The following RPS6KB1 variants were observed in gnomAD, a reference collection of about 807,000 sequenced individuals.
RPS6KB1 encodes the protein ribosomal protein S6 kinase B1, also known as ribosomal protein S6 kinase beta-1.
RPS6KB1 carries 12 observed loss-of-function variants against 70.2 expected under a neutral mutation model. The ratio of observed to expected loss-of-function variants is 0.17; its 90% confidence interval spans 0.11 to 0.28. The LOEUF (loss-of-function observed/expected upper bound fraction) is 0.28, where lower values mean the gene tolerates loss of function less well. Ranked by LOEUF, RPS6KB1 falls within the 10% of genes least tolerant of loss-of-function variation. The probability of loss-of-function intolerance (pLI) is 1.00; values close to 1 mark genes in which losing one functional copy is unlikely to be tolerated. For missense variants in RPS6KB1, 270 were observed against 646.6 expected, an observed-to-expected ratio of 0.42 and a Z score of 6.32; for synonymous variants, 175 against 211.2, an observed-to-expected ratio of 0.83 and a Z score of 1.49.
At chr17:59,942,762 T>G (rs1449359431) in intron 13 of RPS6KB1, among the ~76,000 whole-genome samples, 1 of 151,840 alleles carries the variant, frequency 6.6e-6, no homozygotes, top group African/African-American at 2.4e-5. Flanking sequence ...GGCTATAACC[T>G]TGAGGTCAGG....
At chr17:59,936,122 C>T in intron 10 of RPS6KB1, 93 bp from the exon 11 acceptor site, 2 of 1,188,190 alleles carry the variant, frequency 1.7e-6, no homozygotes, top group South Asian at 2.7e-5. Context: ...ACTATATTTT[C>T]TCAAGCCAAA....
chr17:59,915,601 G>A lies in RPS6KB1; in HGVS notation c.381+898G>A, dbSNP rs1598723155. Among the ~76,000 whole-genome samples, 10 of 151,196 alleles carry A rather than the reference G, an allele frequency of 6.6e-5. No homozygotes were observed. The South Asian group carries it at 2.1e-3, about 32-fold the overall frequency. ...CTGCCCTAGCCTCCCTAATAGCTGG[G>A]ATTACAGGCGCCTACCACCACGCCT... On this transcript the variant is annotated intron_variant, in intron 4 of 14. Transcript: ENST00000225577.
chr17:59,938,058 TA>T (rs2044340959), intron 12 of RPS6KB1, among the ~76,000 whole-genome samples: 1 of 151,366 alleles, frequency 6.6e-6, no homozygotes, highest in East Asian at 1.9e-4. Context: ...CTGCCCAGCT[TA>T]AAAAATGATT....
Position 59,893,179 on chromosome 17 carries a change from G to C in RPS6KB1, c.-6G>C, listed in dbSNP as rs373348379. 10 of 1,571,290 alleles carry C rather than the reference G, an allele frequency of 6.4e-6. No homozygotes were observed. The highest frequency in any genetic ancestry group is 8.6e-6 in the Non-Finnish European group (10 of 1,159,270). ...CGGCTGTGGTGGCTGCGGCGGGTCCGGGCCCATGAGGCGACGAAGGAGGCG... is the reference window on the plus strand; with the variant it reads ...CGGCTGTGGTGGCTGCGGCGGGTCCCGGCCCATGAGGCGACGAAGGAGGCG... On this transcript the variant is annotated 5_prime_UTR_variant, in exon 1 of 15. Transcript: ENST00000225577. This position sits in a 1 kb window ranked among gnomAD's most constrained non-coding sequence, Gnocchi z 4.1.
In RPS6KB1 at chr17:59,923,497, G is replaced by A. The variant is rs117201602; in HGVS notation, c.382-2938G>A. 4.5e-3 allele frequency among the ~76,000 whole-genome samples: 683 copies of A among 151,820 alleles called. 2 individuals are homozygous for A. Among genetic ancestry groups the A allele is most frequent in the Non-Finnish European group, 6.6e-3 (451 of 67,874 alleles). On this transcript the variant is annotated intron_variant, in intron 4 of 14. Transcript: ENST00000225577. ...GCCCTAATTCTAGTCCAATTCCATAGCGTTCTTTTTTATTTTTATTTTTTT... is the reference window on the plus strand; with the variant it reads ...GCCCTAATTCTAGTCCAATTCCATAACGTTCTTTTTTATTTTTATTTTTTT...
chr17:59,901,016 C>A (rs965119519), intron 1 of RPS6KB1, among the ~76,000 whole-genome samples: 6 of 151,598 alleles, frequency 4.0e-5, no homozygotes, highest in African/African-American at 1.5e-4. Flanking sequence ...ACAAAAATAC[C>A]CAGGCGTGGT....
chr17:59,897,397 C>T (rs1568368180), intron 1 of RPS6KB1, among the ~76,000 whole-genome samples: 1 of 152,170 alleles, frequency 6.6e-6, no homozygotes, highest in Non-Finnish European at 1.5e-5. Context: ...TGCTAAGGAA[C>T]CAATCATTCA....
intron 1 of RPS6KB1, among the ~76,000 whole-genome samples, chr17:59,900,962 G>A (rs1401346864): frequency 1.3e-5 from 2 of 151,194 alleles, no homozygotes; most frequent in African/African-American, 2.4e-5. Context: ...GGGAGTTCAA[G>A]ACTAGCCTGG....
intron 1 of RPS6KB1, among the ~76,000 whole-genome samples, chr17:59,899,165 T>G (rs533631873): frequency 6.6e-6 from 1 of 150,930 alleles, no homozygotes; most frequent in African/African-American, 2.4e-5. Context: ...GATCGCGCCA[T>G]TGTTCTCCAG....
chr17:59,909,218 G>A (rs1238581822), intron 1 of RPS6KB1, among the ~76,000 whole-genome samples: 7 of 110,902 alleles, frequency 6.3e-5, no homozygotes, highest in South Asian at 3.3e-4. Context: ...ATGAGCCACC[G>A]CACGTGGCTT....
At chr17:59,942,169 T>G (rs1376523780) in intron 13 of RPS6KB1, among the ~76,000 whole-genome samples, 1 of 152,206 alleles carries the variant, frequency 6.6e-6, no homozygotes, top group Non-Finnish European at 1.5e-5. Context: ...ATGGTCTCGA[T>G]TTCTTGACCT....
chr17:59,904,246 A>G lies in RPS6KB1; in HGVS notation c.142-6316A>G, dbSNP rs142685794. On this transcript the variant is annotated intron_variant, in intron 1 of 14. Transcript: ENST00000225577. The stretch of plus-strand genomic sequence containing the variant: ...CAGGTGCGCACCAACACGTCCGGCT[A>G]ATTTTTGTATTTTTAGTAGAGACAG... Among the ~76,000 whole-genome samples the G allele has an allele frequency of 4.3e-3, 635 of 148,770 alleles. 6 individuals are homozygous for G. Among genetic ancestry groups the G allele is most frequent in the African/African-American group, 0.014 (579 of 40,156 alleles).
At chr17:59,897,175 T>G (rs1409171183) in intron 1 of RPS6KB1, among the ~76,000 whole-genome samples, 1 of 152,240 alleles carries the variant, frequency 6.6e-6, no homozygotes, top group African/African-American at 2.4e-5. Context: ...TTACTAGTTG[T>G]GTTTATAATG....
chr17:59,893,143 G>A lies in RPS6KB1; in HGVS notation c.-42G>A, dbSNP rs766688008. 5.0e-6 allele frequency: 8 copies of A among 1,597,192 alleles called. No individual in the cohort carries two copies. The highest frequency in any genetic ancestry group is 6.0e-6 in the Non-Finnish European group (7 of 1,172,800). On this transcript the variant is annotated 5_prime_UTR_variant, in exon 1 of 15. Coordinates refer to ENST00000225577, the MANE Select transcript of RPS6KB1 (RefSeq NM_003161.4). This position sits in a 1 kb window ranked among gnomAD's most constrained non-coding sequence, Gnocchi z 4.1. ...GACGCACTGAGCCTAAGCAGCCGGT[G>A]ATGGCGGCAGCGGCTGTGGTGGCTG...
In RPS6KB1 at chr17:59,934,994, C is replaced by G. The variant is rs1045346363; in HGVS notation, c.871-199C>G. On this transcript the variant is annotated intron_variant, in intron 9 of 14. Transcript: ENST00000225577. The surrounding 1 kb of genome is among the most constrained non-coding windows in gnomAD (Gnocchi z 4.8). ...TTGAGCTAAGGATTATTAATAGAATCTAGCCTTGACAACATAGTTGAGACC... is the reference window on the plus strand; with the variant it reads ...TTGAGCTAAGGATTATTAATAGAATGTAGCCTTGACAACATAGTTGAGACC... 40 of 478,374 alleles carry G rather than the reference C, an allele frequency of 8.4e-5. No individual in the cohort carries two copies. The highest frequency in any genetic ancestry group is 6.7e-4 in the African/African-American group (34 of 50,640). 29.6% of individuals were successfully genotyped at this position (478,374 alleles called of 1,614,324 possible).
Position 59,893,148 on chromosome 17 carries a change from C to T in RPS6KB1, c.-37C>T, listed in dbSNP as rs1450708040. 5.6e-6 allele frequency: 9 copies of T among 1,598,434 alleles called. No homozygotes were observed. Among genetic ancestry groups the T allele is most frequent in the Admixed American group, 1.8e-5 (1 of 57,024 alleles). Reference sequence around the variant, plus strand: ...ACTGAGCCTAAGCAGCCGGTGATGGCGGCAGCGGCTGTGGTGGCTGCGGCG... The same window carrying T: ...ACTGAGCCTAAGCAGCCGGTGATGGTGGCAGCGGCTGTGGTGGCTGCGGCG... On this transcript the variant is annotated 5_prime_UTR_variant, in exon 1 of 15. Coordinates refer to ENST00000225577, the MANE Select transcript of RPS6KB1 (RefSeq NM_003161.4). This position sits in a 1 kb window ranked among gnomAD's most constrained non-coding sequence, Gnocchi z 4.1.
rs185822822 is a variant in RPS6KB1, at chr17:59,915,946, C to T, written c.381+1243C>T. Among the ~76,000 whole-genome samples the T allele has an allele frequency of 4.6e-3, 696 of 150,724 alleles. 10 individuals carry two copies. The highest frequency in any genetic ancestry group is 5.5e-3 in the Non-Finnish European group (376 of 67,778). On this transcript the variant is annotated intron_variant, in intron 4 of 14. Coordinates refer to ENST00000225577, the MANE Select transcript of RPS6KB1 (RefSeq NM_003161.4). ...GATTACAGGCATGTGCCACCACGCCCGGCTAATTTTGTATTTTTAGTAGAG... is the reference window on the plus strand; with the variant it reads ...GATTACAGGCATGTGCCACCACGCCTGGCTAATTTTGTATTTTTAGTAGAG...
At chr17:59,909,049 C>T (rs1407157005) in intron 1 of RPS6KB1, among the ~76,000 whole-genome samples, 1 of 150,674 alleles carries the variant, frequency 6.6e-6, no homozygotes, top group East Asian at 1.9e-4. Context: ...GCCTCATCCT[C>T]CCGAGTAGCT....
intron 1 of RPS6KB1, among the ~76,000 whole-genome samples, chr17:59,902,196 C>T (rs2041999370): frequency 6.8e-6 from 1 of 146,730 alleles, no homozygotes; most frequent in Admixed American, 7.0e-5. Flanking sequence ...CCTCTGCCTC[C>T]TGGGTTCAAG....
Sources: allele counts gnomAD v4.1 joint callset (sites outside exome capture counted in the v4.1 genomes callset), GRCh38; gene constraint gnomAD v4.1.1; non-coding constraint Gnocchi (gnomAD v3.1); transcripts MANE v1.5; gene names NCBI Gene and HGNC (gene_info 2026-07-23, HGNC 2026-07-21).